The following ZFAT variants were observed in gnomAD, a reference collection of about 807,000 sequenced individuals.
ZFAT encodes zinc finger protein ZFAT.
A neutral mutation model predicts 117.7 loss-of-function variants in ZFAT; 64 were observed. The ratio of observed to expected loss-of-function variants is 0.54; its 90% confidence interval spans 0.44 to 0.67. ZFAT has a LOEUF of 0.67. Ranked by LOEUF, ZFAT falls within the 30% of genes least tolerant of loss-of-function variation. The pLI is 0.00. For missense variants in ZFAT, 1,433 were observed against 1,584.5 expected, an observed-to-expected ratio of 0.90 and a Z score of 1.62; for synonymous variants, 679 against 615.0, an observed-to-expected ratio of 1.10 and a Z score of -1.54.
At chr8:134,543,576 T>A (rs1470050457) in intron 11 of ZFAT, among the ~76,000 whole-genome samples, 2 of 152,234 alleles carry the variant, frequency 1.3e-5, no homozygotes, top group African/African-American at 4.8e-5. Context: ...TCCACTTCTG[T>A]CCTTCTGATA....
intron 9 of ZFAT, among the ~76,000 whole-genome samples, chr8:134,586,060 G>A (rs927316947): frequency 6.6e-6 from 1 of 152,040 alleles, no homozygotes; most frequent in Non-Finnish European, 1.5e-5. Flanking sequence ...GATATTTTAT[G>A]GTACAGGGGA....
At chr8:134,654,121 T>C (rs1223043476) in intron 2 of ZFAT, among the ~76,000 whole-genome samples, 6 of 151,966 alleles carry the variant, frequency 3.9e-5, no homozygotes, top group African/African-American at 9.7e-5. Context: ...ACATGGCAAA[T>C]CCATCTCTAC....
chr8:134,671,843 A>G (rs1399017451), intron 1 of ZFAT, among the ~76,000 whole-genome samples: 3 of 152,224 alleles, frequency 2.0e-5, no homozygotes, highest in Non-Finnish European at 4.4e-5. Flanking sequence ...ATGATTGTAT[A>G]TTTAGAAAAC....
intron 12 of ZFAT, among the ~76,000 whole-genome samples, chr8:134,521,957 T>C (rs963959392): frequency 6.6e-6 from 1 of 152,232 alleles, no homozygotes; most frequent in Non-Finnish European, 1.5e-5. Flanking sequence ...TCGCAAACTC[T>C]GGCTTCCCAT....
intron 10 of ZFAT, among the ~76,000 whole-genome samples, chr8:134,571,047 C>A (rs117300818): frequency 1.3e-5 from 2 of 152,176 alleles, no homozygotes; most frequent in African/African-American, 4.8e-5. Context: ...ATTCACTCAG[C>A]GAGCATTCAC....
Position 134,709,177 on chromosome 8 carries a change from A to G in ZFAT, c.19+3668T>C, listed in dbSNP as rs112403215. ...TGCACCCCTGTAGTCCCAGCTATTCAGGAGGCTGATGTGGGAGGGTGGCCT... is the reference window on the plus strand; with the variant it reads ...TGCACCCCTGTAGTCCCAGCTATTCGGGAGGCTGATGTGGGAGGGTGGCCT... On this transcript the variant is annotated intron_variant, in intron 1 of 15. Transcript: ENST00000377838. 1.5e-3 allele frequency among the ~76,000 whole-genome samples: 229 copies of G among 152,256 alleles called. 1 individual carries two copies. The highest frequency in any genetic ancestry group is 5.3e-3 in the African/African-American group (221 of 41,540).
At chr8:134,703,271 T>A (rs1834062756) in intron 1 of ZFAT, among the ~76,000 whole-genome samples, 1 of 152,242 alleles carries the variant, frequency 6.6e-6, no homozygotes, top group African/African-American at 2.4e-5. Context: ...CATCTTTTCA[T>A]ACATTTATTG....
the ZFAT span, among the ~76,000 whole-genome samples, chr8:134,761,281 G>A: frequency 6.6e-6 from 1 of 152,076 alleles, no homozygotes; most frequent in East Asian, 1.9e-4. Flanking sequence ...AAGGACTGAG[G>A]GTATGATGGG....
intron 11 of ZFAT, among the ~76,000 whole-genome samples, chr8:134,537,359 A>G (rs1821916220): frequency 6.6e-6 from 1 of 152,202 alleles, no homozygotes; most frequent in African/African-American, 2.4e-5. Context: ...CCTAGCATAT[A>G]TCTCCCTAAA....
At chr8:134,568,100 C>T (rs1246126577) in intron 10 of ZFAT, among the ~76,000 whole-genome samples, 1 of 152,212 alleles carries the variant, frequency 6.6e-6, no homozygotes, top group Non-Finnish European at 1.5e-5. Context: ...TTTCATTAAA[C>T]TGAACTGAGT....
At chr8:134,825,135 T>C in the ZFAT span, among the ~76,000 whole-genome samples, 453 of 152,344 alleles carry the variant, frequency 3.0e-3, 2 homozygotes, top group Non-Finnish European at 5.5e-3. Context: ...CCATCTAATA[T>C]TCCCAGCAAT....
chr8:134,696,730 G>C (rs576171684), intron 1 of ZFAT, among the ~76,000 whole-genome samples: 43 of 152,310 alleles, frequency 2.8e-4, no homozygotes, highest in African/African-American at 1.0e-3. Flanking sequence ...GCACTCCGAG[G>C]GGGTGTGGCC....
At chr8:134,638,390 G>A (rs528605023) in intron 2 of ZFAT, among the ~76,000 whole-genome samples, 11 of 152,024 alleles carry the variant, frequency 7.2e-5, no homozygotes, top group African/African-American at 1.9e-4. Context: ...ATTCATCTCC[G>A]GAATGAAGGT....
chr8:134,689,672 T>C lies in ZFAT; in HGVS notation c.19+23173A>G, dbSNP rs546110798. ...AGGTGAAACAGGCTTGAAAACAATA[T>C]AGAAGGCCGAATTCAGTCAACAGCT... On this transcript the variant is annotated intron_variant, in intron 1 of 15. Transcript: ENST00000377838. 2.6e-5 allele frequency among the ~76,000 whole-genome samples: 4 copies of C among 152,320 alleles called. No homozygotes were observed. The East Asian group carries it at 7.7e-4, about 29-fold the overall frequency.
At chr8:134,612,304 C>T (rs1270866986) in intron 3 of ZFAT, among the ~76,000 whole-genome samples, 5 of 152,144 alleles carry the variant, frequency 3.3e-5, no homozygotes, top group Admixed American at 6.5e-5. Flanking sequence ...GAGGTGAGAT[C>T]GGAACCATGC....
chr8:134,500,405 C>T (rs1341725256), intron 15 of ZFAT, among the ~76,000 whole-genome samples: 1 of 152,182 alleles, frequency 6.6e-6, no homozygotes, highest in Non-Finnish European at 1.5e-5. Context: ...TGAGCATACT[C>T]AGGTTAGCTA....
intron 10 of ZFAT, among the ~76,000 whole-genome samples, chr8:134,571,332 C>A (rs1399621096): frequency 6.6e-6 from 1 of 152,182 alleles, no homozygotes; most frequent in Non-Finnish European, 1.5e-5. Context: ...ATGAGGAGGA[C>A]CAGCCGCATG....
intron 15 of ZFAT, among the ~76,000 whole-genome samples, chr8:134,503,941 C>A (rs896347508): frequency 3.5e-5 from 5 of 142,956 alleles, no homozygotes; most frequent in East Asian, 2.3e-4. Context: ...CACGCACACG[C>A]ACACGAACAC....
At chr8:134,505,720 C>T (rs1190306945) in intron 15 of ZFAT, among the ~76,000 whole-genome samples, 1 of 152,110 alleles carries the variant, frequency 6.6e-6, no homozygotes, top group African/African-American at 2.4e-5. Context: ...CCTCTAGATG[C>T]CCAAAAAGGC....
Sources: gnomAD v4.1 joint callset for allele counts (sites outside exome capture counted in the v4.1 genomes callset) on GRCh38, gnomAD v4.1.1 for gene constraint, MANE v1.5 for transcripts, NCBI Gene and HGNC (gene_info 2026-07-23, HGNC 2026-07-21) for gene names.